The following GCN1 variants were observed in gnomAD, a reference collection of about 807,000 sequenced individuals.
GCN1 encodes stalled ribosome sensor GCN1.
GCN1 carries 90 observed loss-of-function variants against 288.4 expected under a neutral mutation model. That is an observed-to-expected ratio of 0.31 (90% confidence interval 0.26 to 0.37). The LOEUF is 0.37. Ranked by LOEUF, GCN1 falls within the 10% of genes least tolerant of loss-of-function variation. The pLI is 1.00. For missense variants in GCN1, 2,586 were observed against 3,419.9 expected, an observed-to-expected ratio of 0.76 and a Z score of 6.08; for synonymous variants, 1,386 against 1,420.2, an observed-to-expected ratio of 0.98 and a Z score of 0.54.
rs200609200 is a variant in GCN1, at chr12:120,188,441, A to G, written c.121+1857T>C. Among the ~76,000 whole-genome samples the G allele has an allele frequency of 0.018, 436 of 24,262 alleles. 4 individuals carry two copies. The East Asian group carries it at 0.39, about 22-fold the overall frequency. 15.9% of individuals were successfully genotyped at this position (24,262 alleles called of 152,430 possible). Reference sequence around the variant, plus strand: ...AGAGGGAGACTCTGTCTCACCAAAGAAAAAAAAAAAAAAAAAACCTCTCCC... The same window carrying G: ...AGAGGGAGACTCTGTCTCACCAAAGGAAAAAAAAAAAAAAAAACCTCTCCC... On this transcript the variant is annotated intron_variant, in intron 2 of 57. Coordinates refer to ENST00000300648, the MANE Select transcript of GCN1 (RefSeq NM_006836.2).
Position 120,144,758 on chromosome 12 carries a change from T to C in GCN1, c.5233A>G (p.Lys1745Glu), listed in dbSNP as rs1299689548. The change falls in exon 41 of 58, where the codon AAA becomes GAA. Residue 1745 changes from lysine (K) to glutamate (E), a missense_variant. Physicochemically the swap from Lys to Glu is moderately conservative, Grantham distance 56. Transcript: ENST00000300648. This position sits in a 1 kb window ranked among gnomAD's most constrained non-coding sequence, Gnocchi z 4.7. The part of the protein sequence containing the change: ...LMPEIVATAS[K>E]VDIAPHVRDG... ...CGGACATGGGGTGCAATGTCCACTT[T>C]GCTGGCTGTAGCCACGATTTCTGGC... 1 of 1,613,996 alleles carries C rather than the reference T, an allele frequency of 6.2e-7. No homozygotes were observed. Among genetic ancestry groups the C allele is most frequent in the East Asian group, 2.2e-5 (1 of 44,896 alleles).
chr12:120,151,236 C>T lies in GCN1; in HGVS notation c.4218G>A (p.Lys1406=). The T allele has an allele frequency of 6.2e-7, 1 of 1,614,190 alleles. No homozygotes were observed. Residue 1406 remains lysine (K), a synonymous_variant, in exon 34 of 58, where the codon AAG becomes AAA. Transcript: ENST00000300648. ...GCTTCAGCGAGAGGATGCCCAGGCC[C>T]TTCACCAGGCCCGCCAGGCCATAGG... ...GAAYGLAGLV[K]GLGILSLKQQ...
Position 120,147,208 on chromosome 12 carries a change from C to A in GCN1, c.4791G>T (p.Gln1597His). The A allele has an allele frequency of 6.2e-7, 1 of 1,613,266 alleles. No homozygotes were observed. The highest frequency in any genetic ancestry group is 8.5e-7 in the Non-Finnish European group (1 of 1,179,344). Residue 1597 changes from glutamine to histidine, a missense_variant, in exon 38 of 58, where the codon CAG (glutamine) becomes CAT (histidine). Around this residue, in one of 8 missense-constraint regions of GCN1, gnomAD observed 371 missense variants for 572.6 expected, o/e 0.65. Transcript: ENST00000300648. Reference sequence around the variant, plus strand: ...GGACAAACTTGGTGTCCAGCAGGGTCTGCAAGCACTTCTGGGTCTTCCTGG... The same window carrying A: ...GGACAAACTTGGTGTCCAGCAGGGTATGCAAGCACTTCTGGGTCTTCCTGG... Reference protein sequence around the residue: ...DPSRKTQKCLQTLLDTKFVHF... With the variant: ...DPSRKTQKCLHTLLDTKFVHF...
chr12:120,132,639 CAAAT>C (rs1412804668), intron 53 of GCN1, among the ~76,000 whole-genome samples: 1 of 152,234 alleles, frequency 6.6e-6, no homozygotes, highest in Non-Finnish European at 1.5e-5. Flanking sequence ...ACTTCCTGTT[CAAAT>C]CAGAGCCAGG....
chr12:120,136,218 T>C (rs1309300309), intron 51 of GCN1, among the ~76,000 whole-genome samples: 1 of 152,200 alleles, frequency 6.6e-6, no homozygotes, highest in East Asian at 1.9e-4. Context: ...TCCCCATATC[T>C]AGCAGCCCTT....
chr12:120,134,578 G>A lies in GCN1; in HGVS notation c.7157C>T (p.Thr2386Ile). The A allele has an allele frequency of 6.2e-7, 1 of 1,614,186 alleles. No homozygotes were observed. The highest frequency in any genetic ancestry group is 8.5e-7 in the Non-Finnish European group (1 of 1,180,020). Residue 2386 changes from threonine (T) to isoleucine (I), a missense_variant, in exon 52 of 58, where the codon ACA becomes ATA. By Grantham distance (89) the Thr-to-Ile change is moderately conservative. Around this residue, in one of 8 missense-constraint regions of GCN1, gnomAD observed 355 missense variants for 431.1 expected, o/e 0.82. Coordinates refer to ENST00000300648, the MANE Select transcript of GCN1 (RefSeq NM_006836.2). The surrounding 1 kb of genome is among the most constrained non-coding windows in gnomAD (Gnocchi z 5.0). ...SIHIKVDPLF[T>I]ELLNGIRAME... ...GGCGCGGATGCCATTGAGCAGCTCT[G>A]TGAAGAGGGGGTCCACCTTAATGTG...
Position 120,164,668 on chromosome 12 carries a change from T to C in GCN1, c.1666A>G (p.Arg556Gly), listed in dbSNP as rs1451057457. The C allele has an allele frequency of 6.2e-7, 1 of 1,613,726 alleles. No individual in the cohort carries two copies. Among genetic ancestry groups the C allele is most frequent in the South Asian group, 1.1e-5 (1 of 91,076 alleles). Reference protein sequence around the residue: ...TERLFLDHPHRLTGNKVQQYH... With the variant: ...TERLFLDHPHGLTGNKVQQYH... ...TACTGAACTTTGTTGCCAGTGAGTC[T>C]ATGCGGGTGGTCAAGGAAAAGTCTC... Residue 556 changes from arginine to glycine, a missense_variant, in exon 17 of 58, where the codon AGA becomes GGA. Around this residue, in one of 8 missense-constraint regions of GCN1, gnomAD observed 913 missense variants for 1,107.0 expected, o/e 0.82. Transcript: ENST00000300648.
intron 20 of GCN1, among the ~76,000 whole-genome samples, chr12:120,162,559 C>T (rs536576350): frequency 2.4e-4 from 37 of 152,346 alleles, no homozygotes; most frequent in Non-Finnish European, 5.1e-4. Flanking sequence ...AAAACAGAGA[C>T]AACAGACAAA....
Position 120,141,970 on chromosome 12 carries a change from C to T in GCN1, c.5829+537G>A, listed in dbSNP as rs560238221. 7.2e-5 allele frequency among the ~76,000 whole-genome samples: 11 copies of T among 152,314 alleles called. No individual in the cohort carries two copies. The South Asian group carries it at 1.2e-3, about 17-fold the overall frequency. On this transcript the variant is annotated intron_variant, in intron 44 of 57. Transcript: ENST00000300648. Reference sequence around the variant, plus strand: ...CTCATGAGGATAAGGAATGAAGCTGCCTTTCTTCTCCATTGTGTCCCCAGG... The same window carrying T: ...CTCATGAGGATAAGGAATGAAGCTGTCTTTCTTCTCCATTGTGTCCCCAGG...
In GCN1 at chr12:120,158,744, G is replaced by T; in HGVS notation, c.2750-129C>A. 1.3e-6 allele frequency: 1 copy of T among 769,816 alleles called. No individual in the cohort carries two copies. Among genetic ancestry groups the T allele is most frequent in the Non-Finnish European group, 2.0e-6 (1 of 489,156 alleles). The allele number at this position is 769,816 out of a possible 1,614,324, so 47.7% of individuals were successfully genotyped here. On this transcript the variant is annotated intron_variant, in intron 24 of 57. Coordinates refer to ENST00000300648, the MANE Select transcript of GCN1 (RefSeq NM_006836.2). This position sits in a 1 kb window ranked among gnomAD's most constrained non-coding sequence, Gnocchi z 4.3. ...AAATATTTCTGCGGCTGGGCGCGGT[G>T]GCTGATGCCTGTAATCCCAGCACTT...
intron 9 of GCN1, 68 bp from the exon 10 acceptor site, chr12:120,176,285 C>G (rs902927357): frequency 1.9e-6 from 2 of 1,049,486 alleles, no homozygotes; most frequent in Non-Finnish European, 1.5e-6. Context: ...TTTTGTTCCC[C>G]TACTCCCCAG....
At chr12:120,171,845 C>T (rs143409982) in intron 14 of GCN1, among the ~76,000 whole-genome samples, 4 of 152,292 alleles carry the variant, frequency 2.6e-5, no homozygotes, top group Admixed American at 2.6e-4. Flanking sequence ...AACTGATGGT[C>T]ATTCAATGCA....
At position 120,134,231 on chromosome 12, in the gene GCN1, TAAG is replaced by T; in HGVS notation, c.7317+57_7317+59del. ...CTAACACAAAGTGAAGAACTCAACC[TAAG>T]GAGGAGGAGGGAAACCAGTGGTCCA... On this transcript the variant is annotated intron_variant, in intron 53 of 57. Transcript: ENST00000300648. The surrounding 1 kb of genome is among the most constrained non-coding windows in gnomAD (Gnocchi z 5.0). 8.9e-7 allele frequency: 1 copy of T among 1,126,910 alleles called. No individual in the cohort carries two copies. The highest frequency in any genetic ancestry group is 1.4e-6 in the Non-Finnish European group (1 of 740,294). The allele number at this position is 1,126,910 out of a possible 1,614,324, so 69.8% of individuals were successfully genotyped here.
In GCN1 at chr12:120,158,023, C is replaced by T. The variant is rs780133676; in HGVS notation, c.2913G>A (p.Ala971=). The change falls in exon 26 of 58, where the codon GCG becomes GCA. Residue 971 remains alanine, a synonymous_variant. Transcript: ENST00000300648. The surrounding 1 kb of genome is among the most constrained non-coding windows in gnomAD (Gnocchi z 4.3). ...SRVGKGEPGA[A]PLSAPAFSLV... ...AGGAGAAGGCTGGCGCGGACAAGGG[C>T]GCAGCACCTGTGAGAGCGAGAAGCA... 7 of 1,613,764 alleles carry T rather than the reference C, an allele frequency of 4.3e-6. No homozygotes were observed. The highest frequency in any genetic ancestry group is 3.3e-5 in the Admixed American group (2 of 60,036).
chr12:120,150,949 C>A (rs1205981977), intron 34 of GCN1, among the ~76,000 whole-genome samples, 196 bp downstream of exon 34: 1 of 151,380 alleles, frequency 6.6e-6, no homozygotes, highest in Non-Finnish European at 1.5e-5. Context: ...AAAAAAAAAA[C>A]AGAAAAGAAA....
intron 57 of GCN1, 71 bp from the exon 58 acceptor site, chr12:120,128,045 G>A: frequency 7.1e-6 from 11 of 1,551,460 alleles, no homozygotes; most frequent in Non-Finnish European, 8.9e-6. Context: ...ATTGGAGAAA[G>A]ACAAAAATGA....
chr12:120,148,376 G>C, intron 36 of GCN1, 30 bp from the exon 37 acceptor site: 1 of 1,583,382 alleles, frequency 6.3e-7, no homozygotes, highest in Non-Finnish European at 8.6e-7. Flanking sequence ...GCCCAGTACT[G>C]AATCACTGAG....
intron 31 of GCN1, 43 bp downstream of exon 31, chr12:120,154,927 C>T (rs1474908213): frequency 6.4e-7 from 1 of 1,550,636 alleles, no homozygotes; most frequent in South Asian, 1.1e-5. Flanking sequence ...CCTGCCACAT[C>T]TCACAAAGCT....
Position 120,191,371 on chromosome 12 carries a change from G to A in GCN1, c.19-971C>T, listed in dbSNP as rs570508884. Among the ~76,000 whole-genome samples the A allele has an allele frequency of 3.9e-5, 6 of 152,346 alleles. No individual in the cohort carries two copies. The East Asian group carries it at 1.2e-3, about 29-fold the overall frequency. On this transcript the variant is annotated intron_variant, in intron 1 of 57. Transcript: ENST00000300648. Reference sequence around the variant, plus strand: ...GGACATAAGCATAAGACCCAGTGATGGGGGGCAGTTTGCAAACATCCCTGA... The same window carrying A: ...GGACATAAGCATAAGACCCAGTGATAGGGGGCAGTTTGCAAACATCCCTGA...
Sources: allele counts gnomAD v4.1 joint callset (sites outside exome capture counted in the v4.1 genomes callset), GRCh38; gene constraint gnomAD v4.1.1; regional missense constraint gnomAD v4.1.1; non-coding constraint Gnocchi (gnomAD v3.1); transcripts MANE v1.5; gene names NCBI Gene and HGNC (gene_info 2026-07-23, HGNC 2026-07-21).